Variants in NDUFS4 observed in about 807,000 individuals in gnomAD.
NDUFS4 encodes NADH dehydrogenase [ubiquinone] iron-sulfur protein 4, mitochondrial.
In NDUFS4, 28 loss-of-function variants were observed where a neutral mutation model predicts 24.3. The observed-to-expected ratio is 1.15, with a 90% CI of 0.85 to 1.58. The LOEUF is 1.58. Ranked by LOEUF, NDUFS4 falls within the 40% of genes most tolerant of loss-of-function variation. The pLI, the probability that NDUFS4 is intolerant of heterozygous loss-of-function variation, is 0.00. For missense variants in NDUFS4, 223 were observed against 207.9 expected (o/e 1.07, Z -0.45); for synonymous variants, 93 against 69.7 (o/e 1.34, Z -1.67).
At position 53,658,638 on chromosome 5, in the gene NDUFS4, G is replaced by GT. The variant is rs140172554; in HGVS notation, c.424+19dup. 260,652 of 1,595,992 alleles carry GT rather than the reference G, an allele frequency of 0.16. 22,076 individuals are homozygous for GT. The highest frequency in any genetic ancestry group is 0.18 in the Middle Eastern group (1,055 of 6,020). On this transcript the variant is annotated intron_variant, in intron 4 of 4. Transcript: ENST00000296684. The stretch of plus-strand genomic sequence containing the variant: ...CAGAAAAAAATGGTATGTTTGGTCT[G>GT]TTTTTGACAAAGTCAAGATAATGAT...
intron 1 of NDUFS4, among the ~76,000 whole-genome samples, chr5:53,589,427 C>G (rs1749872109): frequency 6.6e-6 from 1 of 152,220 alleles, no homozygotes; most frequent in Non-Finnish European, 1.5e-5. Context: ...CTCAGACTAA[C>G]TACTGTTGGT....
At chr5:53,672,891 T>C (rs951932750) in intron 4 of NDUFS4, among the ~76,000 whole-genome samples, 5 of 152,068 alleles carry the variant, frequency 3.3e-5, no homozygotes, top group African/African-American at 1.2e-4. Context: ...GGCCTAAATA[T>C]CGGTATATTA....
chr5:53,631,248 C>T (rs924077595), intron 2 of NDUFS4, among the ~76,000 whole-genome samples: 1 of 152,164 alleles, frequency 6.6e-6, no homozygotes, highest in Non-Finnish European at 1.5e-5. Context: ...CTGATCCTTC[C>T]TCTGGAAGCT....
intron 1 of NDUFS4, among the ~76,000 whole-genome samples, chr5:53,579,402 T>C (rs1467355004): frequency 6.6e-6 from 1 of 152,186 alleles, no homozygotes; most frequent in Admixed American, 6.5e-5. Flanking sequence ...CCTTTATTTT[T>C]GTATATTCTC....
chr5:53,663,926 C>G (rs963173674), intron 4 of NDUFS4, among the ~76,000 whole-genome samples: 5 of 152,092 alleles, frequency 3.3e-5, no homozygotes, highest in Non-Finnish European at 7.3e-5. Context: ...TCTTCTTAGC[C>G]TCGATGGTCT....
At chr5:53,585,742 CAAA>C (rs1009474307) in intron 1 of NDUFS4, among the ~76,000 whole-genome samples, 5 of 114,212 alleles carry the variant, frequency 4.4e-5, no homozygotes, top group Admixed American at 9.1e-5. Flanking sequence ...AACTCCGTCT[CAAA>C]AAAAAAAAAA....
Position 53,651,358 on chromosome 5 carries a change from G to A in NDUFS4, c.350+4953G>A, listed in dbSNP as rs118010840. 3.6e-4 allele frequency among the ~76,000 whole-genome samples: 55 copies of A among 151,848 alleles called. No homozygotes were observed. The East Asian group carries it at 0.01, about 28-fold the overall frequency. On this transcript the variant is annotated intron_variant, in intron 3 of 4. Transcript: ENST00000296684. ...TTTAAATCTTTTTCTAAAATTGTTA[G>A]AATTGTAAGCTGAAGGTTTTTCATG... is the stretch of plus-strand genomic sequence containing the variant.
At chr5:53,640,450 G>C (rs1410079935) in intron 2 of NDUFS4, among the ~76,000 whole-genome samples, 2 of 152,104 alleles carry the variant, frequency 1.3e-5, no homozygotes, top group Non-Finnish European at 2.9e-5. Context: ...TCTGTAGGCT[G>C]TGCAAGAAGC....
At chr5:53,631,544 T>C (rs1335418346) in intron 2 of NDUFS4, among the ~76,000 whole-genome samples, 1 of 152,200 alleles carries the variant, frequency 6.6e-6, no homozygotes, top group Non-Finnish European at 1.5e-5. Flanking sequence ...TGTAAGTCCC[T>C]GACTGGGGCT....
intron 2 of NDUFS4, among the ~76,000 whole-genome samples, chr5:53,605,731 G>A (rs1212989000): frequency 6.6e-6 from 1 of 152,192 alleles, no homozygotes; most frequent in East Asian, 1.9e-4. Context: ...AGAAATACCT[G>A]AGGTGGGACG....
chr5:53,646,276 C>G lies in NDUFS4; in HGVS notation c.221C>G (p.Thr74Ser). 1 of 1,612,864 alleles carries G rather than the reference C, an allele frequency of 6.2e-7. No homozygotes were observed. The highest frequency in any genetic ancestry group is 8.5e-7 in the Non-Finnish European group (1 of 1,179,208). Residue 74 changes from threonine (T) to serine (S), a missense_variant, in exon 3 of 5, where the codon ACT becomes AGT. Transcript: ENST00000296684. Reference protein sequence around the residue: ...LTGVPEEHIKTRKVRIFVPAR... With the variant: ...LTGVPEEHIKSRKVRIFVPAR... ...GGAGTTCCAGAAGAGCATATAAAAA[C>G]TAGAAAAGTCAGGATCTTTGTTCCT...
At chr5:53,615,249 A>G (rs1239049455) in intron 2 of NDUFS4, among the ~76,000 whole-genome samples, 1 of 151,978 alleles carries the variant, frequency 6.6e-6, no homozygotes, top group Admixed American at 6.6e-5. Context: ...AAATACTTAA[A>G]CTTGTTAAAG....
At chr5:53,585,941 C>T (rs1158976334) in intron 1 of NDUFS4, among the ~76,000 whole-genome samples, 1 of 152,036 alleles carries the variant, frequency 6.6e-6, no homozygotes. Flanking sequence ...TTGCCAAGTA[C>T]ATTAAATTTG....
chr5:53,592,091 A>G (rs1379772385), intron 1 of NDUFS4, among the ~76,000 whole-genome samples: 1 of 151,978 alleles, frequency 6.6e-6, no homozygotes, highest in Admixed American at 6.6e-5. Context: ...GGCACGTGCC[A>G]CCATGCCTGG....
At chr5:53,676,212 G>A (rs558504126) in intron 4 of NDUFS4, among the ~76,000 whole-genome samples, 1 of 152,294 alleles carries the variant, frequency 6.6e-6, no homozygotes, top group East Asian at 1.9e-4. Context: ...GGACTGGGTT[G>A]AGAGGGGAGT....
intron 1 of NDUFS4, among the ~76,000 whole-genome samples, chr5:53,569,958 A>C (rs1749155504): frequency 6.6e-6 from 1 of 152,170 alleles, no homozygotes; most frequent in Non-Finnish European, 1.5e-5. Context: ...AAAAAAGTTG[A>C]CTCTAGGTTG....
chr5:53,683,318 A>G lies in NDUFS4; in HGVS notation c.*97A>G. 3.4e-6 allele frequency: 3 copies of G among 885,524 alleles called. No homozygotes were observed. The highest frequency in any genetic ancestry group is 5.6e-6 in the Non-Finnish European group (3 of 533,168). 54.9% of individuals were successfully genotyped at this position (885,524 alleles called of 1,614,324 possible). ...TAAATACATCTCTTAATCTCCTAATAAATTGGACCTTTAAACTACAGATAC... is the reference window on the plus strand; with the variant it reads ...TAAATACATCTCTTAATCTCCTAATGAATTGGACCTTTAAACTACAGATAC... On this transcript the variant is annotated 3_prime_UTR_variant, in exon 5 of 5. Coordinates refer to ENST00000296684, the MANE Select transcript of NDUFS4 (RefSeq NM_002495.4).
At chr5:53,628,552 AGAATCCGTTATTGGTCT>A (rs1751300029) in intron 2 of NDUFS4, among the ~76,000 whole-genome samples, 1 of 152,078 alleles carries the variant, frequency 6.6e-6, no homozygotes, top group African/African-American at 2.4e-5. Flanking sequence ...CCCCAATTTT[AGAATCCGTTATTGGTCT>A]ATTCAGAGAT....
rs749272992 is a variant in NDUFS4 at position 53,603,550 on chromosome 5, C to A, written c.177+20C>A. 1.3e-6 allele frequency: 2 copies of A among 1,582,132 alleles called. No individual in the cohort carries two copies. The highest frequency in any genetic ancestry group is 1.7e-6 in the Non-Finnish European group (2 of 1,151,264). Reference sequence around the variant, plus strand: ...AAATTGGTAAGGATTTTCTACTACACACTGCTATGGTTCTGCCTTCAGGGT... The same window carrying A: ...AAATTGGTAAGGATTTTCTACTACAAACTGCTATGGTTCTGCCTTCAGGGT... On this transcript the variant is annotated intron_variant, in intron 2 of 4. Transcript: ENST00000296684.
Sources: gnomAD v4.1 joint callset for allele counts (sites outside exome capture counted in the v4.1 genomes callset) on GRCh38, gnomAD v4.1.1 for gene constraint, MANE v1.5 for transcripts, NCBI Gene and HGNC (gene_info 2026-07-23, HGNC 2026-07-21) for gene names.